GLIS3: variants seen among roughly 807,000 people sequenced by gnomAD.
GLIS3 encodes zinc finger protein GLIS3.
In GLIS3, 53 loss-of-function variants were observed where a neutral mutation model predicts 78.6. That is an observed-to-expected ratio of 0.67 (90% CI 0.54 to 0.85). The LOEUF is 0.85. GLIS3 is among the 40% of genes least tolerant of loss of function. The pLI, the probability that GLIS3 is intolerant of heterozygous loss-of-function variation, is 0.00. For missense variants in GLIS3, 1,703 were observed against 1,231.1 expected (o/e 1.38, Z -5.74); for synonymous variants, 684 against 509.9 (o/e 1.34, Z -4.60).
At chr9:4,081,954 T>C (rs960702305) in intron 4 of GLIS3, among the ~76,000 whole-genome samples, 1 of 152,206 alleles carries the variant, frequency 6.6e-6, no homozygotes, top group Non-Finnish European at 1.5e-5. Context: ...ATAGAAAAAT[T>C]CATGCTTCTT....
the GLIS3 span, among the ~76,000 whole-genome samples, chr9:4,364,349 A>T: frequency 6.6e-6 from 1 of 152,192 alleles, no homozygotes; most frequent in Non-Finnish European, 1.5e-5. Context: ...TGTATAGCAT[A>T]CCTTGGGTGA....
chr9:4,268,351 T>C (rs1226511577), intron 2 of GLIS3, among the ~76,000 whole-genome samples: 2 of 152,194 alleles, frequency 1.3e-5, no homozygotes, highest in Non-Finnish European at 2.9e-5. Context: ...TACCATATCA[T>C]AAGTGTTATC....
At chr9:4,479,904 CTTTTTTTTTT>C in the GLIS3 span, among the ~76,000 whole-genome samples, 3 of 108,728 alleles carry the variant, frequency 2.8e-5, no homozygotes, top group South Asian at 3.1e-4. Flanking sequence ...ATTTCTTCTT[CTTTTTTTTTT>C]TTTTTTTTTT....
At chr9:4,007,891 G>C (rs1409245618) in intron 4 of GLIS3, among the ~76,000 whole-genome samples, 1 of 133,694 alleles carries the variant, frequency 7.5e-6, no homozygotes, top group Admixed American at 7.3e-5. Context: ...GGGGGTGGGT[G>C]GGCGTTGGGG....
chr9:4,401,599 A>C, the GLIS3 span, among the ~76,000 whole-genome samples: 19 of 107,550 alleles, frequency 1.8e-4, no homozygotes, highest in Admixed American at 4.0e-4. Flanking sequence ...ACAGAGTCTC[A>C]CTCTGTCGCC....
intron 2 of GLIS3, among the ~76,000 whole-genome samples, chr9:4,260,678 G>A (rs777903437): frequency 3.3e-5 from 5 of 151,934 alleles, no homozygotes; most frequent in East Asian, 1.9e-4. Flanking sequence ...CCCGGGAGGC[G>A]GAGGTTGCAG....
intron 2 of GLIS3, among the ~76,000 whole-genome samples, chr9:4,206,384 G>A (rs1819881672): frequency 6.6e-6 from 1 of 152,204 alleles, no homozygotes; most frequent in Non-Finnish European, 1.5e-5. Context: ...TATGAAGACT[G>A]CCTAACATCT....
chr9:4,368,290 G>A, the GLIS3 span, among the ~76,000 whole-genome samples: 15 of 151,504 alleles, frequency 9.9e-5, no homozygotes, highest in African/African-American at 1.9e-4. Context: ...AGAGCATCAC[G>A]AGGCAGAGAA....
chr9:3,960,777 T>C lies in GLIS3; in HGVS notation c.1711-23588A>G, dbSNP rs1028404410. ...CAGTAGTGAGGTCAGCACTACCCAC[T>C]GGTGCCTTACAAAAATTTTGCTCTT... On this transcript the variant is annotated intron_variant, in intron 4 of 10. Transcript: ENST00000381971. Among the ~76,000 whole-genome samples the C allele has an allele frequency of 4.6e-5, 7 of 152,228 alleles. No homozygotes were observed. The South Asian group carries it at 1.0e-3, about 23-fold the overall frequency.
intron 2 of GLIS3, among the ~76,000 whole-genome samples, chr9:4,344,598 C>G (rs993005570): frequency 1.3e-5 from 2 of 152,230 alleles, no homozygotes; most frequent in African/African-American, 4.8e-5. Context: ...TAAATATCAT[C>G]TATGCTAATA....
At chr9:4,348,222 T>C (rs1817919676) in intron 1 of GLIS3, 1 of 152,220 alleles carries the variant, frequency 6.6e-6, no homozygotes, top group Admixed American at 6.5e-5. Context: ...GAAATATATT[T>C]CTTTCTTACC....
chr9:4,270,888 G>GGTGTGTGTGTGTGTGT (rs148679668), intron 2 of GLIS3, among the ~76,000 whole-genome samples: 1 of 146,910 alleles, frequency 6.8e-6, no homozygotes, highest in Non-Finnish European at 1.5e-5. Context: ...CAATCTGTGT[G>GGTGTGTGTGTGTGTGT]GTGTGTGTGT....
intron 4 of GLIS3, among the ~76,000 whole-genome samples, chr9:4,006,946 G>C (rs1414051927): frequency 6.6e-6 from 1 of 152,210 alleles, no homozygotes; most frequent in Non-Finnish European, 1.5e-5. Context: ...AAGAAGCAAA[G>C]ATTACAGCCA....
the GLIS3 span, among the ~76,000 whole-genome samples, chr9:4,362,361 T>C: frequency 2.1e-4 from 32 of 152,332 alleles, no homozygotes; most frequent in African/African-American, 7.2e-4. Context: ...AACTGGAAAT[T>C]ATAAAAGAAA....
At chr9:4,038,375 T>C (rs974602566) in intron 4 of GLIS3, among the ~76,000 whole-genome samples, 3 of 152,162 alleles carry the variant, frequency 2.0e-5, no homozygotes, top group African/African-American at 7.2e-5. Context: ...TACAACTGAA[T>C]AAACTGTTAA....
chr9:3,890,889 A>G (rs547934670), intron 7 of GLIS3, among the ~76,000 whole-genome samples: 44 of 152,248 alleles, frequency 2.9e-4, no homozygotes, highest in Admixed American at 7.8e-4. Context: ...TGTAATTCCA[A>G]TTTGCTTTTC....
chr9:4,163,242 T>G (rs990697173), intron 2 of GLIS3, among the ~76,000 whole-genome samples: 9 of 94,448 alleles, frequency 9.5e-5, no homozygotes. Context: ...GCATGTGCAC[T>G]GGCACACACA....
chr9:3,933,495 C>A (rs939246371), intron 5 of GLIS3, among the ~76,000 whole-genome samples: 2 of 152,124 alleles, frequency 1.3e-5, no homozygotes, highest in Non-Finnish European at 2.9e-5. Context: ...TGAGATAAAT[C>A]AAAATCTTCA....
At chr9:3,872,610 C>A (rs1821037200) in intron 8 of GLIS3, among the ~76,000 whole-genome samples, 1 of 152,176 alleles carries the variant, frequency 6.6e-6, no homozygotes, top group African/African-American at 2.4e-5. Flanking sequence ...GACTTATGCA[C>A]TACCAAGACA....
Sources: allele counts gnomAD v4.1 joint callset (sites outside exome capture counted in the v4.1 genomes callset), GRCh38; gene constraint gnomAD v4.1.1; transcripts MANE v1.5; gene names NCBI Gene and HGNC (gene_info 2026-07-23, HGNC 2026-07-21).